CRTAC1: variants seen among roughly 807,000 people sequenced by gnomAD.
CRTAC1 encodes acidic secreted protein in cartilage.
Under a neutral mutation model 67.8 loss-of-function variants are expected in CRTAC1, and 37 were observed. The observed-to-expected ratio is 0.55, with a 90% confidence interval of 0.42 to 0.72. CRTAC1 has a LOEUF of 0.72. Among genes scored for constraint, CRTAC1 ranks in the 30% least tolerant of loss-of-function variants. The pLI, the probability that CRTAC1 is intolerant of heterozygous loss-of-function variation, is 0.00. For missense variants in CRTAC1, 780 were observed against 931.6 expected (o/e 0.84, Z 2.12); for synonymous variants, 348 against 371.0 (o/e 0.94, Z 0.71).
At chr10:97,898,407 T>C (rs56721893) in intron 8 of CRTAC1, among the ~76,000 whole-genome samples, 23,720 of 152,104 alleles carry the variant, frequency 0.16, 1,978 homozygotes, top group Non-Finnish European at 0.2. Context: ...GAGACCACCA[T>C]GGTGAGTGAG....
chr10:97,887,995 T>G (rs2050311812), intron 11 of CRTAC1, among the ~76,000 whole-genome samples: 1 of 152,260 alleles, frequency 6.6e-6, no homozygotes. Flanking sequence ...TTATCATTTC[T>G]GCCTTAGAGA....
chr10:97,897,129 A>C, intron 8 of CRTAC1, 138 bp from the exon 9 acceptor site: 1 of 556,276 alleles, frequency 1.8e-6, no homozygotes, highest in Non-Finnish European at 3.2e-6. Context: ...CCACGGAGCC[A>C]CTCTCTGCTC....
At chr10:97,949,382 C>A (rs140983067) in intron 2 of CRTAC1, among the ~76,000 whole-genome samples, 2 of 152,152 alleles carry the variant, frequency 1.3e-5, no homozygotes, top group Admixed American at 6.5e-5. Flanking sequence ...GGCCAGGGAG[C>A]CAAATTGGAC....
intron 5 of CRTAC1, among the ~76,000 whole-genome samples, chr10:97,910,735 C>T (rs984091088): frequency 9.9e-5 from 15 of 152,220 alleles, no homozygotes; most frequent in Admixed American, 3.3e-4. Context: ...GGGCCTTTTT[C>T]GCCTATGCAA....
At chr10:97,934,980 G>A (rs377382209) in intron 3 of CRTAC1, among the ~76,000 whole-genome samples, 7 of 151,262 alleles carry the variant, frequency 4.6e-5, no homozygotes, top group Non-Finnish European at 1.0e-4. Flanking sequence ...GGGGAGCGGC[G>A]GGCGCGGCGG....
chr10:97,928,530 T>C (rs900611570), intron 3 of CRTAC1, among the ~76,000 whole-genome samples: 7 of 152,212 alleles, frequency 4.6e-5, no homozygotes, highest in African/African-American at 1.7e-4. Context: ...ACTATTTTCA[T>C]GACCCCTTTA....
intron 1 of CRTAC1, among the ~76,000 whole-genome samples, chr10:98,016,975 G>A (rs559848111): frequency 6.6e-6 from 1 of 152,314 alleles, no homozygotes; most frequent in Admixed American, 6.5e-5. Context: ...CGCATTTTGT[G>A]TGGCTGACTC....
intron 6 of CRTAC1, among the ~76,000 whole-genome samples, chr10:97,906,204 A>G (rs945418535): frequency 2.6e-5 from 4 of 152,126 alleles, no homozygotes; most frequent in Admixed American, 6.5e-5. Flanking sequence ...GTGAGACTTG[A>G]GAAAGAGGGT....
chr10:97,930,823 C>G (rs757436507), intron 3 of CRTAC1, among the ~76,000 whole-genome samples: 1 of 151,904 alleles, frequency 6.6e-6, no homozygotes, highest in Non-Finnish European at 1.5e-5. Context: ...CTGAAGACCT[C>G]TTTAAGTATG....
At chr10:97,892,600 G>T (rs1426623000) in intron 11 of CRTAC1, among the ~76,000 whole-genome samples, 1 of 152,222 alleles carries the variant, frequency 6.6e-6, no homozygotes, top group East Asian at 1.9e-4. Context: ...TTTCTGACCT[G>T]TAAAATGTGG....
intron 14 of CRTAC1, among the ~76,000 whole-genome samples, chr10:97,871,786 T>C (rs1391660786): frequency 6.6e-6 from 1 of 152,136 alleles, no homozygotes; most frequent in Non-Finnish European, 1.5e-5. Context: ...TCTACCTGGA[T>C]TGACTCATAA....
chr10:98,022,518 G>A (rs113278582), intron 1 of CRTAC1, among the ~76,000 whole-genome samples: 90 of 152,196 alleles, frequency 5.9e-4, no homozygotes, highest in African/African-American at 2.1e-3. Context: ...TCTAGATGCT[G>A]GAGACCTATG....
intron 4 of CRTAC1, among the ~76,000 whole-genome samples, chr10:97,922,802 C>T (rs1215425424): frequency 2.0e-5 from 3 of 152,232 alleles, no homozygotes; most frequent in Non-Finnish European, 4.4e-5. Flanking sequence ...ATCTAGGAAC[C>T]CCTCCATTGT....
intron 14 of CRTAC1, among the ~76,000 whole-genome samples, chr10:97,874,827 T>G (rs1161913242): frequency 2.6e-5 from 4 of 152,132 alleles, no homozygotes; most frequent in African/African-American, 9.7e-5. Context: ...CCGCCGCTAT[T>G]TAAAATGGCA....
At chr10:98,021,397 G>C (rs529116948) in intron 1 of CRTAC1, among the ~76,000 whole-genome samples, 1 of 152,128 alleles carries the variant, frequency 6.6e-6, no homozygotes. Flanking sequence ...ACAAAACCTC[G>C]GGGGACCCAG....
At chr10:98,007,470 T>A (rs1401537189) in intron 2 of CRTAC1, among the ~76,000 whole-genome samples, 1 of 152,210 alleles carries the variant, frequency 6.6e-6, no homozygotes, top group African/African-American at 2.4e-5. Context: ...GCGCTGAGAA[T>A]TCGCAATGCT....
At chr10:97,942,293 C>T (rs761002857) in intron 2 of CRTAC1, among the ~76,000 whole-genome samples, 20 of 152,236 alleles carry the variant, frequency 1.3e-4, no homozygotes, top group Non-Finnish European at 2.4e-4. Context: ...AATAAACCAC[C>T]GCAGAGTGAA....
chr10:98,017,397 C>T (rs779679808), intron 1 of CRTAC1, among the ~76,000 whole-genome samples: 9 of 152,056 alleles, frequency 5.9e-5, no homozygotes, highest in Non-Finnish European at 7.4e-5. Context: ...AGGGCCAGAG[C>T]GCAGGGTGCC....
chr10:98,010,986 C>G, intron 2 of CRTAC1, 152 bp downstream of exon 2: 1 of 708,504 alleles, frequency 1.4e-6, no homozygotes. Flanking sequence ...CCCAGCTGAG[C>G]CCAGCCAAGC....
Sources: allele counts gnomAD v4.1 joint callset (sites outside exome capture counted in the v4.1 genomes callset), GRCh38; gene constraint gnomAD v4.1.1; transcripts MANE v1.5; gene names NCBI Gene and HGNC (gene_info 2026-07-23, HGNC 2026-07-21).